CPA6: variants seen among roughly 807,000 people sequenced by gnomAD.
The protein encoded by CPA6 is carboxypeptidase A6.
CPA6 carries 58 observed loss-of-function variants against 63.3 expected under a neutral mutation model. The observed-to-expected ratio is 0.92, with a 90% CI of 0.74 to 1.14. The LOEUF (loss-of-function observed/expected upper bound fraction) is 1.14. CPA6 is among the 50% of genes most tolerant of loss of function. CPA6 has a pLI of 0.00. For synonymous variants in CPA6, 185 were observed against 179.0 expected (o/e 1.03, Z -0.27); for missense variants, 565 against 526.6 (o/e 1.07, Z -0.71).
intron 2 of CPA6, among the ~76,000 whole-genome samples, chr8:67,578,525 C>T (rs1335721372): frequency 1.3e-5 from 2 of 152,280 alleles, no homozygotes; most frequent in East Asian, 3.9e-4. Flanking sequence ...GGCACGAGAT[C>T]CCTGGCAGCC....
intron 1 of CPA6, among the ~76,000 whole-genome samples, chr8:67,692,400 G>C (rs972156913): frequency 6.6e-6 from 1 of 151,008 alleles, no homozygotes; most frequent in African/African-American, 2.4e-5. Context: ...TATCTCACTT[G>C]CTAAAGTGTG....
At chr8:67,503,711 A>ATATAATAAAGACTTAAC in intron 6 of CPA6, among the ~76,000 whole-genome samples, 1 of 152,202 alleles carries the variant, frequency 6.6e-6, no homozygotes, top group South Asian at 2.1e-4. Flanking sequence ...TATGCCAAAC[A>ATATAATAAAGACTTAAC]TTCTGTTAAG....
chr8:67,455,688 A>G (rs1328043664), intron 8 of CPA6, among the ~76,000 whole-genome samples: 2 of 150,322 alleles, frequency 1.3e-5, no homozygotes, highest in Admixed American at 6.6e-5. Context: ...AAAAAAAAAA[A>G]AAAAAGAAAA....
chr8:67,506,269 T>C (rs747395171), intron 6 of CPA6, among the ~76,000 whole-genome samples: 1 of 152,136 alleles, frequency 6.6e-6, no homozygotes, highest in Non-Finnish European at 1.5e-5. Flanking sequence ...GAAAAATAAC[T>C]GAAACTAAGA....
At chr8:67,540,844 G>A (rs948519771) in intron 2 of CPA6, among the ~76,000 whole-genome samples, 21 of 152,176 alleles carry the variant, frequency 1.4e-4, no homozygotes, top group African/African-American at 4.6e-4. Flanking sequence ...GATGGTGGAC[G>A]CCCCTCCCCC....
intron 8 of CPA6, among the ~76,000 whole-genome samples, chr8:67,440,601 A>C (rs1462661195): frequency 6.6e-6 from 1 of 152,106 alleles, no homozygotes; most frequent in African/African-American, 2.4e-5. Flanking sequence ...ACATGTTCTG[A>C]GAAATACATC....
intron 8 of CPA6, among the ~76,000 whole-genome samples, chr8:67,465,075 A>G (rs928743605): frequency 1.3e-5 from 2 of 152,182 alleles, no homozygotes; most frequent in Admixed American, 6.5e-5. Flanking sequence ...TAGGAATAGC[A>G]TGGAATCTGT....
At chr8:67,528,327 G>T (rs1247316917) in intron 2 of CPA6, among the ~76,000 whole-genome samples, 8 of 152,282 alleles carry the variant, frequency 5.3e-5, no homozygotes, top group Non-Finnish European at 1.2e-4. Context: ...TCCATTCAGA[G>T]GCTTCCATGC....
chr8:67,595,278 C>T (rs1393109663), intron 2 of CPA6, among the ~76,000 whole-genome samples: 1 of 152,174 alleles, frequency 6.6e-6, no homozygotes, highest in Non-Finnish European at 1.5e-5. Context: ...TGTGAGGTGT[C>T]AGTCTGCCCC....
chr8:67,600,959 CTT>C (rs1352994570), intron 2 of CPA6, among the ~76,000 whole-genome samples: 2 of 152,136 alleles, frequency 1.3e-5, no homozygotes, highest in Non-Finnish European at 2.9e-5. Flanking sequence ...AAACACTACT[CTT>C]TATGGAGAAC....
intron 1 of CPA6, among the ~76,000 whole-genome samples, chr8:67,721,204 C>CA (rs1817492027): frequency 1.3e-5 from 2 of 152,264 alleles, no homozygotes; most frequent in Non-Finnish European, 2.9e-5. Flanking sequence ...CATTAGGTTA[C>CA]AAGGTCCTCT....
intron 2 of CPA6, among the ~76,000 whole-genome samples, chr8:67,600,971 C>T (rs1322761665): frequency 1.3e-5 from 2 of 152,132 alleles, no homozygotes; most frequent in Non-Finnish European, 2.9e-5. Context: ...TTATGGAGAA[C>T]AGCAAAGCTC....
chr8:67,450,122 G>GT (rs1810523100), intron 8 of CPA6, among the ~76,000 whole-genome samples: 1 of 151,992 alleles, frequency 6.6e-6, no homozygotes, highest in Admixed American at 6.6e-5. Context: ...GGCCACCCAA[G>GT]CCATCTCTTT....
At chr8:67,607,184 T>TTCC (rs1814674307) in intron 2 of CPA6, among the ~76,000 whole-genome samples, 5 of 25,182 alleles carry the variant, frequency 2.0e-4, no homozygotes, top group African/African-American at 7.1e-4. Flanking sequence ...CTTCTTCTTC[T>TTCC]TCTTCTTCTT....
intron 1 of CPA6, among the ~76,000 whole-genome samples, chr8:67,677,375 A>C (rs1267175631): frequency 7.0e-6 from 1 of 142,324 alleles, no homozygotes; most frequent in African/African-American, 2.7e-5. Flanking sequence ...CTGCTGCTGG[A>C]AAAGGGGAAG....
At chr8:67,473,417 ATAG>A (rs1441158804) in intron 8 of CPA6, among the ~76,000 whole-genome samples, 1 of 152,224 alleles carries the variant, frequency 6.6e-6, no homozygotes, top group African/African-American at 2.4e-5. Context: ...AAAAGGTAAG[ATAG>A]TAGCAGTAAT....
intron 1 of CPA6, among the ~76,000 whole-genome samples, chr8:67,650,810 C>G (rs1815819695): frequency 6.6e-6 from 1 of 152,154 alleles, no homozygotes; most frequent in South Asian, 2.1e-4. Context: ...ACAAATTGCA[C>G]AGAGGATTGA....
chr8:67,506,304 G>A (rs1811925328), intron 6 of CPA6, among the ~76,000 whole-genome samples: 1 of 152,110 alleles, frequency 6.6e-6, no homozygotes, highest in Admixed American at 6.6e-5. Context: ...GATGCTAAAG[G>A]TCTTCTGGTA....
chr8:67,546,056 C>T (rs576181202), intron 2 of CPA6, among the ~76,000 whole-genome samples: 1 of 152,258 alleles, frequency 6.6e-6, no homozygotes, highest in South Asian at 2.1e-4. Context: ...GGTTTCTTTG[C>T]TGGAAGGTCT....
Sources: allele counts gnomAD v4.1 joint callset (sites outside exome capture counted in the v4.1 genomes callset), GRCh38; gene constraint gnomAD v4.1.1; transcripts MANE v1.5; gene names NCBI Gene and HGNC (gene_info 2026-07-23, HGNC 2026-07-21).